PRSS23: variants seen among roughly 807,000 people sequenced by gnomAD.
The protein encoded by PRSS23 is protease, serine 23.
Under a neutral mutation model 34.7 loss-of-function variants are expected in PRSS23, and 25 were observed. The observed-to-expected ratio is 0.72, with a 90% CI of 0.53 to 1.01. The LOEUF (loss-of-function observed/expected upper bound fraction) is 1.01, where lower values mean the gene tolerates loss of function less well. Among genes scored for constraint, PRSS23 ranks in the 50% least tolerant of loss-of-function variants. PRSS23 has a pLI of 0.00. For synonymous variants in PRSS23, 176 were observed against 186.6 expected (o/e 0.94, Z 0.46); for missense variants, 445 against 475.6 (o/e 0.94, Z 0.60).
chr11:86,894,373 A>G (rs1164946809), intron 2 of PRSS23, among the ~76,000 whole-genome samples: 1 of 152,202 alleles, frequency 6.6e-6, no homozygotes, highest in Non-Finnish European at 1.5e-5. Context: ...TACAACTTAC[A>G]GAGTTGTAAA....
chr11:86,928,629 C>G (rs1185383105), intron 2 of PRSS23, among the ~76,000 whole-genome samples: 12 of 127,536 alleles, frequency 9.4e-5, no homozygotes, highest in African/African-American at 3.6e-4. Flanking sequence ...GAGCCGAGAT[C>G]GCGCCACTGC....
intron 2 of PRSS23, among the ~76,000 whole-genome samples, chr11:86,930,304 A>G (rs1373648521): frequency 6.6e-6 from 1 of 152,212 alleles, no homozygotes; most frequent in Non-Finnish European, 1.5e-5. Flanking sequence ...GCTATTCAAA[A>G]ATTGAAATAA....
intron 2 of PRSS23, among the ~76,000 whole-genome samples, chr11:86,846,376 A>G (rs1334858428): frequency 6.6e-6 from 1 of 152,084 alleles, no homozygotes; most frequent in East Asian, 1.9e-4. Context: ...TCAGCCACTT[A>G]AAGGTGATTA....
In PRSS23 at chr11:86,830,157, C is replaced by T. The variant is rs1447695924; in HGVS notation, c.206+6564C>T. ...GGTGGGCTCCACCCAGCTCGAGCTT[C>T]CCAGCTGCTTTGTTTACCTAAGCAA... On this transcript the variant is annotated intron_variant, in intron 2 of 2. Transcript: ENST00000533902. Among the ~76,000 whole-genome samples the T allele has an allele frequency of 3.3e-5, 5 of 152,228 alleles. No homozygotes were observed. The South Asian group carries it at 1.0e-3, about 32-fold the overall frequency.
intron 1 of PRSS23, among the ~76,000 whole-genome samples, chr11:86,807,402 G>A (rs1429916663): frequency 6.6e-6 from 1 of 152,122 alleles, no homozygotes; most frequent in Non-Finnish European, 1.5e-5. Context: ...ACATAGAAAG[G>A]AAGGAACACC....
intron 2 of PRSS23, among the ~76,000 whole-genome samples, chr11:86,850,781 A>C (rs1025356318): frequency 1.3e-5 from 2 of 152,200 alleles, no homozygotes; most frequent in Non-Finnish European, 2.9e-5. Context: ...CTCCTTTGCC[A>C]TGCTGCTACA....
chr11:86,903,505 C>T (rs1400933677), intron 2 of PRSS23, among the ~76,000 whole-genome samples: 11 of 120,644 alleles, frequency 9.1e-5, no homozygotes, highest in African/African-American at 1.9e-4. Flanking sequence ...TTTTTTGAGA[C>T]GGAGTCTCGC....
At chr11:86,851,972 A>C (rs1948533597) in intron 2 of PRSS23, among the ~76,000 whole-genome samples, 1 of 152,152 alleles carries the variant, frequency 6.6e-6, no homozygotes, top group South Asian at 2.1e-4. Context: ...CAAGAACAGA[A>C]ACTCCACAGT....
chr11:86,836,189 G>A (rs190843551), intron 2 of PRSS23, among the ~76,000 whole-genome samples: 3 of 152,214 alleles, frequency 2.0e-5, no homozygotes, highest in East Asian at 3.9e-4. Context: ...CTGAGATCTT[G>A]CACTAACCTC....
intron 2 of PRSS23, among the ~76,000 whole-genome samples, chr11:86,828,963 A>G (rs2134884998): frequency 6.6e-6 from 1 of 152,054 alleles, no homozygotes; most frequent in East Asian, 1.9e-4. Flanking sequence ...GAATCTGACA[A>G]TTATGTGTCT....
At chr11:86,856,198 A>G (rs1220218825) in intron 2 of PRSS23, among the ~76,000 whole-genome samples, 1 of 152,208 alleles carries the variant, frequency 6.6e-6, no homozygotes, top group Non-Finnish European at 1.5e-5. Context: ...AAAAATTTGC[A>G]TCATGTTTAG....
intron 2 of PRSS23, among the ~76,000 whole-genome samples, chr11:86,898,946 G>C (rs981296108): frequency 6.6e-6 from 1 of 152,154 alleles, no homozygotes; most frequent in African/African-American, 2.4e-5. Flanking sequence ...ACCAAGCCCA[G>C]GTATTCTGAG....
chr11:86,879,212 G>A (rs1208981052), intron 2 of PRSS23, among the ~76,000 whole-genome samples: 24 of 148,248 alleles, frequency 1.6e-4, no homozygotes, highest in Non-Finnish European at 3.0e-4. Context: ...CATCTGAGAT[G>A]TGGGGAGCGC....
chr11:86,813,812 A>G (rs1948196803), downstream of PRSS23, among the ~76,000 whole-genome samples: 1 of 152,228 alleles, frequency 6.6e-6, no homozygotes, highest in African/African-American at 2.4e-5. Flanking sequence ...ATATTTGACA[A>G]TATCTCTTTG....
intron 2 of PRSS23, among the ~76,000 whole-genome samples, chr11:86,843,495 T>C (rs1948463579): frequency 6.6e-6 from 1 of 152,062 alleles, no homozygotes; most frequent in Admixed American, 6.5e-5. Flanking sequence ...ACCTACAGAA[T>C]GGGAGAAAAT....
intron 2 of PRSS23, chr11:86,921,676 C>A (rs1303094276): frequency 1.3e-5 from 2 of 152,198 alleles, no homozygotes; most frequent in African/African-American, 4.8e-5. Context: ...CAGAACATTT[C>A]ATTCTCCATG....
intron 2 of PRSS23, chr11:86,933,217 C>G (rs1230716474): frequency 6.6e-6 from 1 of 152,244 alleles, no homozygotes; most frequent in Non-Finnish European, 1.5e-5. Context: ...TGACTCTCCC[C>G]TAATTTCTAC....
intron 2 of PRSS23, chr11:86,857,914 A>T: frequency 2.1e-6 from 1 of 484,852 alleles, no homozygotes; most frequent in Non-Finnish European, 4.2e-6. Flanking sequence ...GACCAGGTAC[A>T]TGGACAGGGA....
chr11:86,804,060 A>C (rs996331229), intron 1 of PRSS23, among the ~76,000 whole-genome samples: 1 of 152,204 alleles, frequency 6.6e-6, no homozygotes, highest in Admixed American at 6.5e-5. Flanking sequence ...ATATTAGGGA[A>C]TCCTGGACCT....
Sources: gnomAD v4.1 joint callset for allele counts (sites outside exome capture counted in the v4.1 genomes callset) on GRCh38, gnomAD v4.1.1 for gene constraint, MANE v1.5 for transcripts, NCBI Gene and HGNC (gene_info 2026-07-23, HGNC 2026-07-21) for gene names.